Variants in SAMMSON observed in about 807,000 individuals in gnomAD.
SAMMSON encodes long intergenic non-protein coding RNA 1212.
chr3:70,171,688 T>G (rs902807179), intron 4 of SAMMSON, among the ~76,000 whole-genome samples: 20 of 152,002 alleles, frequency 1.3e-4, no homozygotes, highest in African/African-American at 4.8e-4. Flanking sequence ...TAAAAGATGT[T>G]TATACTCTTC....
chr3:70,266,193 G>GT (rs893156134), intron 6 of SAMMSON, among the ~76,000 whole-genome samples: 1 of 151,898 alleles, frequency 6.6e-6, no homozygotes, highest in African/African-American at 2.4e-5. Flanking sequence ...AAACATTTAT[G>GT]TTTTTTTATT....
At chr3:70,112,817 CA>C (rs2067395053) in intron 4 of SAMMSON, among the ~76,000 whole-genome samples, 1 of 152,130 alleles carries the variant, frequency 6.6e-6, no homozygotes, top group Admixed American at 6.5e-5. Flanking sequence ...ATTTTAAATA[CA>C]AAGACACTTG....
At chr3:70,064,593 ATAT>A (rs975382743) in intron 3 of SAMMSON, among the ~76,000 whole-genome samples, 1 of 152,032 alleles carries the variant, frequency 6.6e-6, no homozygotes, top group Non-Finnish European at 1.5e-5. Context: ...AATTAGCTAA[ATAT>A]TATTGTACAT....
In SAMMSON at chr3:70,286,994, C is replaced by T. The variant is rs142195821; in HGVS notation, n.675-4185C>T. Among the ~76,000 whole-genome samples, 438 of 149,736 alleles carry T rather than the reference C, an allele frequency of 2.9e-3. 4 individuals are homozygous for T. Among genetic ancestry groups the T allele is most frequent in the African/African-American group, 9.4e-3 (379 of 40,178 alleles). ...GCGTTTTCTAGATATAAAATCATGT[C>T]GTCTGCAAACAGGGACAATTTGACT... is the stretch of plus-strand genomic sequence containing the variant. On this transcript the variant is annotated intron_variant and non_coding_transcript_variant, in intron 6 of 9. Transcript: ENST00000642114.
Position 70,388,335 on chromosome 3 carries a change from T to G in SAMMSON, n.914-1239T>G, listed in dbSNP as rs558571654. 1.7e-4 allele frequency among the ~76,000 whole-genome samples: 26 copies of G among 152,292 alleles called. No homozygotes were observed. The East Asian group carries it at 5.0e-3, about 29-fold the overall frequency. On this transcript the variant is annotated intron_variant and non_coding_transcript_variant, in intron 9 of 9. Transcript: ENST00000642114. Reference sequence around the variant, plus strand: ...AGTCGAGTGATTTTCACATAGATCATTTGGGCTTTGAAGCCTAAAATATTT... The same window carrying G: ...AGTCGAGTGATTTTCACATAGATCAGTTGGGCTTTGAAGCCTAAAATATTT...
chr3:70,331,087 T>C (rs1238541632), intron 7 of SAMMSON, among the ~76,000 whole-genome samples: 6 of 152,216 alleles, frequency 3.9e-5, no homozygotes. Flanking sequence ...TTGAAGCTTT[T>C]CTCTTCTTAG....
intron 6 of SAMMSON, among the ~76,000 whole-genome samples, chr3:70,285,602 T>C (rs1207305889): frequency 6.6e-6 from 1 of 151,656 alleles, no homozygotes; most frequent in Non-Finnish European, 1.5e-5. Context: ...CAAATGGTAT[T>C]TCTAGTTCTA....
Position 70,164,875 on chromosome 3 carries a change from A to G in SAMMSON, n.508-84232A>G, listed in dbSNP as rs117757775. Among the ~76,000 whole-genome samples the G allele has an allele frequency of 7.8e-4, 119 of 152,220 alleles. 1 individual carries two copies. In the East Asian group the frequency reaches 0.011, roughly 15 times the overall value. ...AGTTTCACATAAAATTTCCTCCGGAAAAGACTTTGGGGCTTTAAAAAAGAA... is the reference window on the plus strand; with the variant it reads ...AGTTTCACATAAAATTTCCTCCGGAGAAGACTTTGGGGCTTTAAAAAAGAA... On this transcript the variant is annotated intron_variant and non_coding_transcript_variant, in intron 4 of 9. Coordinates refer to ENST00000642114, the Ensembl canonical transcript of SAMMSON.
chr3:70,013,701 A>G (rs917729377), intron 3 of SAMMSON: 6 of 152,206 alleles, frequency 3.9e-5, no homozygotes, highest in African/African-American at 1.4e-4. Context: ...TTTTCTTTTT[A>G]AAACACACAT....
At chr3:70,301,844 C>T (rs1032648486) in intron 7 of SAMMSON, among the ~76,000 whole-genome samples, 4 of 151,958 alleles carry the variant, frequency 2.6e-5, no homozygotes, top group Non-Finnish European at 5.9e-5. Flanking sequence ...GTTTAATTTT[C>T]TATCTATAAT....
At chr3:70,106,315 G>A (rs2067367006) in intron 4 of SAMMSON, among the ~76,000 whole-genome samples, 1 of 150,826 alleles carries the variant, frequency 6.6e-6, no homozygotes, top group South Asian at 2.1e-4. Context: ...TAATCCCATA[G>A]GTCTGGAGGG....
intron 4 of SAMMSON, among the ~76,000 whole-genome samples, chr3:70,175,140 G>C (rs1701000758): frequency 6.6e-6 from 1 of 151,974 alleles, no homozygotes; most frequent in Admixed American, 6.6e-5. Flanking sequence ...ACTCTATTGG[G>C]GACTTTGGTT....
chr3:70,245,683 A>ATATT (rs2106645652), intron 4 of SAMMSON, among the ~76,000 whole-genome samples: 1 of 128,446 alleles, frequency 7.8e-6, no homozygotes, highest in East Asian at 2.3e-4. Flanking sequence ...ATATATATAT[A>ATATT]TATATATATA....
chr3:70,268,029 TCTC>T (rs201481273), intron 6 of SAMMSON, among the ~76,000 whole-genome samples: 2,651 of 149,406 alleles, frequency 0.018, 84 homozygotes, highest in African/African-American at 0.061. Context: ...TCTTCCTCTT[TCTC>T]CTCCTCCTCC....
At chr3:70,433,888 T>C (rs1371251285) in intron 2 of SAMMSON, among the ~76,000 whole-genome samples, 1 of 152,178 alleles carries the variant, frequency 6.6e-6, no homozygotes, top group East Asian at 1.9e-4. Context: ...TCCAGCACCA[T>C]TTGTTGAAGC....
At chr3:70,351,508 A>G (rs116552343) in intron 7 of SAMMSON, among the ~76,000 whole-genome samples, 58 of 152,268 alleles carry the variant, frequency 3.8e-4, no homozygotes, top group African/African-American at 1.2e-3. Context: ...GTACAGCTAA[A>G]CCCTCTAAAT....
intron 1 of SAMMSON, among the ~76,000 whole-genome samples, chr3:70,010,617 G>A (rs1163360935): frequency 6.6e-6 from 1 of 152,130 alleles, no homozygotes; most frequent in East Asian, 1.9e-4. Flanking sequence ...TTCAGCATAT[G>A]TAATGTCTTT....
At chr3:70,321,924 T>C (rs1009468460) in intron 7 of SAMMSON, among the ~76,000 whole-genome samples, 2 of 152,094 alleles carry the variant, frequency 1.3e-5, no homozygotes. Context: ...ACGTGAAGTA[T>C]TACTTTGTTA....
chr3:70,402,670 T>C (rs1701149447), intron 2 of SAMMSON, among the ~76,000 whole-genome samples: 2 of 152,134 alleles, frequency 1.3e-5, no homozygotes, highest in Admixed American at 1.3e-4. Context: ...AAGACCAGCC[T>C]GGCCAACATG....
Sources: allele counts gnomAD v4.1 joint callset (sites outside exome capture counted in the v4.1 genomes callset), GRCh38; gene constraint gnomAD v4.1.1; transcripts MANE v1.5; gene names NCBI Gene and HGNC (gene_info 2026-07-23, HGNC 2026-07-21).